C1GALT1: variants seen among roughly 807,000 people sequenced by gnomAD.
The protein encoded by C1GALT1 is core 1 synthase, glycoprotein-N-acetylgalactosamine 3-beta-galactosyltransferase 1.
A neutral mutation model predicts 31.0 loss-of-function variants in C1GALT1; 11 were observed. The observed-to-expected ratio is 0.36, with a 90% CI of 0.22 to 0.59. The LOEUF is 0.59. Among genes scored for constraint, C1GALT1 ranks in the 20% least tolerant of loss-of-function variants. The probability of loss-of-function intolerance (pLI) is 0.79; values close to 1 mark genes in which losing one functional copy is unlikely to be tolerated. For synonymous variants in C1GALT1, 175 were observed against 143.6 expected (o/e 1.22, Z -1.56); for missense variants, 424 against 425.2 (o/e 1.00, Z 0.03).
chr7:7,180,991 A>G (rs1042275746), upstream of C1GALT1, among the ~76,000 whole-genome samples: 5 of 152,076 alleles, frequency 3.3e-5, no homozygotes, highest in African/African-American at 9.7e-5. Context: ...CTAGCAAGTA[A>G]TTTTCCAGGA....
At chr7:7,217,132 A>G (rs576023929) in intron 1 of C1GALT1, among the ~76,000 whole-genome samples, 162 of 152,322 alleles carry the variant, frequency 1.1e-3, no homozygotes, top group African/African-American at 3.1e-3. Context: ...TTACCGGCCA[A>G]TGCACCAAAA....
At chr7:7,199,850 C>A (rs574753956) in intron 1 of C1GALT1, among the ~76,000 whole-genome samples, 2 of 152,146 alleles carry the variant, frequency 1.3e-5, no homozygotes, top group Non-Finnish European at 2.9e-5. Context: ...TTATCAGAGA[C>A]TAGGATTGCA....
At position 7,238,954 on chromosome 7, in the gene C1GALT1, A is replaced by G; in HGVS notation, c.888+32A>G. The G allele has an allele frequency of 6.6e-7, 1 of 1,506,548 alleles. No homozygotes were observed. The highest frequency in any genetic ancestry group is 1.2e-5 in the South Asian group (1 of 82,128). 93.3% of individuals were successfully genotyped at this position (1,506,548 alleles called of 1,614,324 possible). On this transcript the variant is annotated intron_variant, in intron 3 of 3. Coordinates refer to ENST00000436587, the MANE Select transcript of C1GALT1 (RefSeq NM_020156.5). The surrounding 1 kb of genome is among the most constrained non-coding windows in gnomAD (Gnocchi z 5.2). ...TTAGAAATTTTATTACTATGTCAATACTTGGACTGACTGAATTTTGTTGAT... is the reference window on the plus strand; with the variant it reads ...TTAGAAATTTTATTACTATGTCAATGCTTGGACTGACTGAATTTTGTTGAT...
intron 2 of C1GALT1, among the ~76,000 whole-genome samples, chr7:7,167,393 T>C (rs1464119241): frequency 2.0e-5 from 3 of 152,198 alleles, no homozygotes; most frequent in Non-Finnish European, 2.9e-5. Context: ...AAGAATGTTA[T>C]ACATTATGTA....
chr7:7,190,185 G>A (rs1781002011), intron 1 of C1GALT1, among the ~76,000 whole-genome samples: 1 of 152,088 alleles, frequency 6.6e-6, no homozygotes, highest in South Asian at 2.1e-4. Flanking sequence ...GGAGAATGGT[G>A]GAGTTTGGAT....
chr7:7,191,642 C>T (rs1178636292), intron 1 of C1GALT1, among the ~76,000 whole-genome samples: 1 of 152,002 alleles, frequency 6.6e-6, no homozygotes, highest in African/African-American at 2.4e-5. Context: ...CAACACTTAA[C>T]AATTTTCTGA....
intron 2 of C1GALT1, among the ~76,000 whole-genome samples, chr7:7,236,602 A>G (rs551536180): frequency 6.6e-6 from 1 of 151,434 alleles, no homozygotes; most frequent in Non-Finnish European, 1.5e-5. Flanking sequence ...GCTCACTGCA[A>G]CCTCCGCCTC....
chr7:7,163,366 A>G (rs1583726728), intron 2 of C1GALT1, among the ~76,000 whole-genome samples: 1 of 152,160 alleles, frequency 6.6e-6, no homozygotes, highest in East Asian at 1.9e-4. Flanking sequence ...ATCATACTCA[A>G]TGGGCAAAAA....
chr7:7,225,119 C>T (rs1363366500), intron 1 of C1GALT1, among the ~76,000 whole-genome samples: 2 of 152,052 alleles, frequency 1.3e-5, no homozygotes, highest in Non-Finnish European at 2.9e-5. Flanking sequence ...TTAATTTCTG[C>T]TCTTTATTAT....
chr7:7,208,210 A>C (rs1781837046), intron 1 of C1GALT1, among the ~76,000 whole-genome samples: 1 of 151,704 alleles, frequency 6.6e-6, no homozygotes, highest in African/African-American at 2.4e-5. Flanking sequence ...GGTTCAATAA[A>C]GTTAAAATAA....
chr7:7,230,622 C>CT (rs57276821), intron 1 of C1GALT1, among the ~76,000 whole-genome samples: 8,831 of 121,356 alleles, frequency 0.073, 364 homozygotes, highest in East Asian at 0.16. Context: ...TCTATATTCC[C>CT]TTTTTTTTTT....
At chr7:7,198,700 C>G (rs903691674) in intron 1 of C1GALT1, among the ~76,000 whole-genome samples, 15 of 152,122 alleles carry the variant, frequency 9.9e-5, no homozygotes, top group Non-Finnish European at 1.8e-4. Flanking sequence ...TAATTATTGC[C>G]TCAATTTCAG....
intron 1 of C1GALT1, among the ~76,000 whole-genome samples, chr7:7,186,379 T>C (rs1780817437): frequency 6.6e-6 from 1 of 152,216 alleles, no homozygotes; most frequent in African/African-American, 2.4e-5. Context: ...CAAAAATCTC[T>C]GTCCTCATGG....
intron 1 of C1GALT1, chr7:7,183,658 C>G (rs1002544430): frequency 1.1e-6 from 1 of 937,324 alleles, no homozygotes. Context: ...TTTCCTGGTC[C>G]TTACCGTCTC....
chr7:7,166,298 TTATAA>T lies in C1GALT1; in HGVS notation c.-18+8875_-18+8879del, dbSNP rs542361386. Among the ~76,000 whole-genome samples, 715 of 152,328 alleles carry T rather than the reference TTATAA, an allele frequency of 4.7e-3. 4 individuals carry two copies. Among genetic ancestry groups the T allele is most frequent in the Non-Finnish European group, 8.5e-3 (581 of 68,028 alleles). On this transcript the variant is annotated intron_variant, in intron 2 of 3. Transcript: ENST00000429911. ...TGAATACAAAAATTGTGGTATATTC[TTATAA>T]TAGAATATTACTGAACAATAAAAAG...
chr7:7,229,854 T>C (rs904970791), intron 1 of C1GALT1, among the ~76,000 whole-genome samples: 2 of 152,136 alleles, frequency 1.3e-5, no homozygotes, highest in African/African-American at 4.8e-5. Flanking sequence ...GCAAATTTGA[T>C]TGGGTGTAGA....
intron 2 of C1GALT1, among the ~76,000 whole-genome samples, chr7:7,163,001 G>A (rs75385889): frequency 2.6e-5 from 4 of 151,882 alleles, no homozygotes; most frequent in African/African-American, 9.7e-5. Flanking sequence ...GTTCATTGCA[G>A]ATTCTGGATA....
intron 1 of C1GALT1, among the ~76,000 whole-genome samples, chr7:7,220,788 G>A (rs1338722994): frequency 6.6e-6 from 1 of 152,132 alleles, no homozygotes; most frequent in African/African-American, 2.4e-5. Context: ...CCAAAGTGCT[G>A]GGATTACAGG....
In C1GALT1 at chr7:7,238,906, A is replaced by G. The variant is rs369665733; in HGVS notation, c.872A>G (p.Tyr291Cys). ...PRTFWYWNYN[Y>C]YPPVEGPGCC... ...ACGTTTTGGTACTGGAATTACAACT[A>G]TTATCCTCCTGTAGAGGTAAGTTTA... is the stretch of plus-strand genomic sequence containing the variant. The change falls in exon 3 of 4, where the codon TAT (tyrosine) becomes TGT (cysteine). Residue 291 changes from tyrosine to cysteine, a missense_variant. Coordinates refer to ENST00000436587, the MANE Select transcript of C1GALT1 (RefSeq NM_020156.5). This position sits in a 1 kb window ranked among gnomAD's most constrained non-coding sequence, Gnocchi z 5.2. 2.5e-6 allele frequency: 4 copies of G among 1,611,502 alleles called. No homozygotes were observed. Among genetic ancestry groups the G allele is most frequent in the Admixed American group, 1.7e-5 (1 of 59,676 alleles).
Sources: allele counts gnomAD v4.1 joint callset (sites outside exome capture counted in the v4.1 genomes callset), GRCh38; gene constraint gnomAD v4.1.1; non-coding constraint Gnocchi (gnomAD v3.1); transcripts MANE v1.5; gene names NCBI Gene and HGNC (gene_info 2026-07-23, HGNC 2026-07-21).